CNNM2: variants seen among roughly 807,000 people sequenced by gnomAD.
CNNM2 encodes metal transporter CNNM2.
In CNNM2, 12 loss-of-function variants were observed where a neutral mutation model predicts 66.9. The observed-to-expected ratio is 0.18, with a 90% CI of 0.11 to 0.29. The LOEUF (loss-of-function observed/expected upper bound fraction) is 0.29, where lower values mean the gene tolerates loss of function less well. CNNM2 is among the 10% of genes least tolerant of loss of function. The pLI is 1.00. For synonymous variants in CNNM2, 557 were observed against 501.8 expected, an observed-to-expected ratio of 1.11 and a Z score of -1.47; for missense variants, 705 against 1,167.7, an observed-to-expected ratio of 0.60 and a Z score of 5.77.
At chr10:102,932,837 A>G (rs779322266) in intron 1 of CNNM2, among the ~76,000 whole-genome samples, 3 of 151,654 alleles carry the variant, frequency 2.0e-5, no homozygotes, top group Non-Finnish European at 4.4e-5. Flanking sequence ...GAATCGCTTT[A>G]ACCCAAGAGG....
chr10:102,941,304 C>A (rs775148303), intron 1 of CNNM2, among the ~76,000 whole-genome samples: 1 of 151,786 alleles, frequency 6.6e-6, no homozygotes, highest in African/African-American at 2.4e-5. Flanking sequence ...GATGGGGTCT[C>A]GCTATGTTGC....
chr10:103,070,895 A>G (rs1821412807), intron 5 of CNNM2, among the ~76,000 whole-genome samples: 2 of 152,102 alleles, frequency 1.3e-5, no homozygotes, highest in South Asian at 4.2e-4. Context: ...ACGCCACTGT[A>G]CTCCAGCCCA....
At chr10:102,980,789 C>A (rs919665744) in intron 1 of CNNM2, among the ~76,000 whole-genome samples, 1 of 152,308 alleles carries the variant, frequency 6.6e-6, no homozygotes, top group Middle Eastern at 3.4e-3. Flanking sequence ...ATTATGACTA[C>A]ATAAAGATTG....
At chr10:102,959,491 C>T (rs1271440739) in intron 1 of CNNM2, among the ~76,000 whole-genome samples, 2 of 152,230 alleles carry the variant, frequency 1.3e-5, no homozygotes, top group Admixed American at 6.5e-5. Flanking sequence ...AGACATCTGG[C>T]TTTGAATTCT....
At position 103,054,597 on chromosome 10, in the gene CNNM2, G is replaced by GT. The variant is rs890148401; in HGVS notation, c.1903+139dup. 111 of 746,224 alleles carry GT rather than the reference G, an allele frequency of 1.5e-4. No homozygotes were observed. The highest frequency in any genetic ancestry group is 2.8e-4 in the African/African-American group (16 of 56,606). 46.2% of individuals were successfully genotyped at this position (746,224 alleles called of 1,614,324 possible). On this transcript the variant is annotated intron_variant, in intron 3 of 7. Coordinates refer to ENST00000369878, the MANE Select transcript of CNNM2 (RefSeq NM_017649.5). The surrounding 1 kb of genome is among the most constrained non-coding windows in gnomAD (Gnocchi z 5.2). ...ATAAGTAATGCCACTTTTGTGTTTT[G>GT]TTTTTTTTGTTTTTTTGTTTTGTTT...
intron 1 of CNNM2, among the ~76,000 whole-genome samples, chr10:103,014,577 A>G (rs2064405417): frequency 6.6e-6 from 1 of 152,230 alleles, no homozygotes; most frequent in South Asian, 2.1e-4. Flanking sequence ...TATTAAAATT[A>G]TGATTTTTAA....
At chr10:103,072,521 A>C (rs997186587) in intron 6 of CNNM2, among the ~76,000 whole-genome samples, 14 of 150,358 alleles carry the variant, frequency 9.3e-5, no homozygotes, top group Non-Finnish European at 1.8e-4. Flanking sequence ...CCCCGCCACC[A>C]GGCAGGCGAC....
At chr10:103,008,937 G>A (rs2064282021) in intron 1 of CNNM2, among the ~76,000 whole-genome samples, 1 of 152,042 alleles carries the variant, frequency 6.6e-6, no homozygotes, top group East Asian at 1.9e-4. Context: ...TGTCAGTTTA[G>A]ACAACCTGAT....
intron 1 of CNNM2, among the ~76,000 whole-genome samples, chr10:102,940,721 AT>A (rs1386266720): frequency 7.5e-6 from 1 of 133,346 alleles, no homozygotes; most frequent in Non-Finnish European, 1.6e-5. Flanking sequence ...CCTGGTCCTT[AT>A]TTTATTATTA....
At chr10:102,931,405 G>A (rs1363293793) in intron 1 of CNNM2, among the ~76,000 whole-genome samples, 1 of 139,820 alleles carries the variant, frequency 7.2e-6, no homozygotes, top group Non-Finnish European at 1.5e-5. Flanking sequence ...TGCCCAGGCT[G>A]TAGTGCAATG....
At chr10:103,027,067 T>C (rs942030327) in intron 1 of CNNM2, among the ~76,000 whole-genome samples, 13 of 152,364 alleles carry the variant, frequency 8.5e-5, no homozygotes, top group Admixed American at 7.8e-4. Flanking sequence ...AAGGTTGGTA[T>C]GGCCATTGCA....
intron 1 of CNNM2, among the ~76,000 whole-genome samples, chr10:102,988,406 A>G (rs1214941275): frequency 6.6e-6 from 1 of 152,152 alleles, no homozygotes; most frequent in Non-Finnish European, 1.5e-5. Context: ...AAACCTGTGA[A>G]TGCTCACAGG....
In CNNM2 at chr10:103,081,159, C is replaced by A. The variant is rs1163488188; in HGVS notation, c.*3979C>A. On this transcript the variant is annotated 3_prime_UTR_variant, in exon 8 of 8. Coordinates refer to ENST00000369878, the MANE Select transcript of CNNM2 (RefSeq NM_017649.5). Reference sequence around the variant, plus strand: ...TGGCTTTGCACGCTATGTAGCATGACCCAAGCTCCCTGGTGGCATGGGAAA... The same window carrying A: ...TGGCTTTGCACGCTATGTAGCATGAACCAAGCTCCCTGGTGGCATGGGAAA... The A allele has an allele frequency of 6.6e-6, 1 of 152,288 alleles. No homozygotes were observed. Among genetic ancestry groups the A allele is most frequent in the Non-Finnish European group, 1.5e-5 (1 of 68,084 alleles). The allele number at this position is 152,288 out of a possible 1,614,324, so 9.4% of individuals were successfully genotyped here.
rs915206697 is a variant in CNNM2, at chr10:103,082,118, G to C, written c.*4938G>C. ...TATGTACACAGATCCAACACATACT[G>C]TAAGAAAGACTTGAGTACACAAGGT... On this transcript the variant is annotated 3_prime_UTR_variant, in exon 8 of 8. Coordinates refer to ENST00000369878, the MANE Select transcript of CNNM2 (RefSeq NM_017649.5). 18 of 152,234 alleles carry C rather than the reference G, an allele frequency of 1.2e-4. No individual in the cohort carries two copies. The highest frequency in any genetic ancestry group is 3.1e-4 in the African/African-American group (13 of 41,456). 9.4% of individuals were successfully genotyped at this position (152,234 alleles called of 1,614,324 possible).
intron 1 of CNNM2, among the ~76,000 whole-genome samples, chr10:102,997,662 A>C (rs2064028996): frequency 6.6e-6 from 1 of 152,184 alleles, no homozygotes; most frequent in Non-Finnish European, 1.5e-5. Flanking sequence ...AAAGCAGTTA[A>C]GAAAAAGACC....
At chr10:102,957,017 A>T (rs372265663) in intron 1 of CNNM2, among the ~76,000 whole-genome samples, 4 of 152,024 alleles carry the variant, frequency 2.6e-5, no homozygotes, top group Non-Finnish European at 4.4e-5. Flanking sequence ...AGATGGTAAG[A>T]TTGGCTGGGC....
chr10:103,017,728 G>T (rs2064481860), intron 1 of CNNM2, among the ~76,000 whole-genome samples: 1 of 152,116 alleles, frequency 6.6e-6, no homozygotes, highest in South Asian at 2.1e-4. Flanking sequence ...CACTTTGGGA[G>T]GCTGAGGCAG....
In CNNM2 at chr10:103,017,963, C is replaced by CAAAAAAAAAAAAAAAAAAAA. The variant is rs59984156; in HGVS notation, c.1622-31726_1622-31725insAAAAAAAAAAAAAAAAAAAA. 4.7e-4 allele frequency among the ~76,000 whole-genome samples: 37 copies of CAAAAAAAAAAAAAAAAAAAA among 78,848 alleles called. 2 individuals carry two copies. Among genetic ancestry groups the CAAAAAAAAAAAAAAAAAAAA allele is most frequent in the African/African-American group, 7.1e-4 (12 of 16,908 alleles). 51.7% of individuals were successfully genotyped at this position (78,848 alleles called of 152,430 possible). On this transcript the variant is annotated intron_variant, in intron 1 of 7. Transcript: ENST00000369878. Reference sequence around the variant, plus strand: ...TGGGGGACAGAGCAAGAATCTGTCTCAAAAAAAAAAAAAAAAAAGGCAAGC... The same window carrying CAAAAAAAAAAAAAAAAAAAA: ...TGGGGGACAGAGCAAGAATCTGTCTCAAAAAAAAAAAAAAAAAAAAAAAAAAAAAAAAAAAAAAGGCAAGC...
At chr10:103,032,174 G>T (rs1455809231) in intron 1 of CNNM2, among the ~76,000 whole-genome samples, 1 of 152,194 alleles carries the variant, frequency 6.6e-6, no homozygotes, top group African/African-American at 2.4e-5. Context: ...TAGGGGCCGG[G>T]TACGGTGACT....
Sources: gnomAD v4.1 joint callset for allele counts (sites outside exome capture counted in the v4.1 genomes callset) on GRCh38, gnomAD v4.1.1 for gene constraint, Gnocchi (gnomAD v3.1) non-coding constraint, MANE v1.5 for transcripts, NCBI Gene and HGNC (gene_info 2026-07-23, HGNC 2026-07-21) for gene names.